Variants in PCBP3 observed in about 807,000 individuals in gnomAD.
PCBP3 encodes the protein poly(rC) binding protein 3, also known as poly(rC)-binding protein 3.
PCBP3 carries 25 observed loss-of-function variants against 52.7 expected under a neutral mutation model. The ratio of observed to expected loss-of-function variants is 0.47; its 90% CI spans 0.35 to 0.66. The LOEUF (loss-of-function observed/expected upper bound fraction) is 0.66, where lower values mean the gene tolerates loss of function less well. PCBP3 is among the 30% of genes least tolerant of loss of function. The pLI, the probability that PCBP3 is intolerant of heterozygous loss-of-function variation, is 0.01. For synonymous variants in PCBP3, 162 were observed against 183.0 expected (o/e 0.89, Z 0.93); for missense variants, 391 against 490.3 (o/e 0.80, Z 1.91).
At chr21:45,838,953 T>C (rs1222099707) in intron 4 of PCBP3, among the ~76,000 whole-genome samples, 1 of 152,234 alleles carries the variant, frequency 6.6e-6, no homozygotes, top group Non-Finnish European at 1.5e-5. Flanking sequence ...CTTTCCTCCC[T>C]TTCTCTCCAT....
chr21:45,870,634 C>T (rs570687633), intron 5 of PCBP3, among the ~76,000 whole-genome samples: 46 of 152,322 alleles, frequency 3.0e-4, no homozygotes, highest in African/African-American at 1.0e-3. Context: ...CCCTGCACCC[C>T]GGGCTCTTCC....
intron 1 of PCBP3, among the ~76,000 whole-genome samples, chr21:45,659,337 C>CTTTTTTTTTTTTTTTT (rs36113182): frequency 2.5e-5 from 2 of 78,740 alleles, no homozygotes; most frequent in Non-Finnish European, 4.9e-5. Flanking sequence ...TTTTACTTTC[C>CTTTTTTTTTTTTTTTT]TTTTTTTTTT....
intron 9 of PCBP3, among the ~76,000 whole-genome samples, chr21:45,902,587 C>T (rs1243268393): frequency 6.6e-6 from 1 of 152,202 alleles, no homozygotes; most frequent in Non-Finnish European, 1.5e-5. Context: ...CATCATGACA[C>T]CAAAACAGAA....
At chr21:45,835,851 A>G (rs956057539) in intron 4 of PCBP3, among the ~76,000 whole-genome samples, 1 of 151,904 alleles carries the variant, frequency 6.6e-6, no homozygotes, top group Admixed American at 6.5e-5. Flanking sequence ...TGCCCTGGGG[A>G]GAGGAGAGCG....
chr21:45,844,468 C>G lies in PCBP3; in HGVS notation c.-125-5493C>G, dbSNP rs545110754. Among the ~76,000 whole-genome samples, 17 of 152,250 alleles carry G rather than the reference C, an allele frequency of 1.1e-4. No homozygotes were observed. In the East Asian group the frequency reaches 3.1e-3, roughly 28 times the overall value. On this transcript the variant is annotated intron_variant, in intron 4 of 17. Coordinates refer to ENST00000681687, the MANE Select transcript of PCBP3 (RefSeq NM_001384156.1). ...CTCCACCCTCCCTCCAGCATTGTTG[C>G]AGCCGCAGGACACCTGCCAGGGTAG...
rs2093934513 is a variant in PCBP3, at chr21:45,850,089, G to A, written c.4G>A (p.Gly2Arg). M[G>R]EGDAFWAPSV... ...CTCTAAACCTTATAGCCTGCTTATG[G>A]GGGAAGGTGAGTTACTGTCTTTTGT... Residue 2 changes from glycine to arginine, a missense_variant, in exon 5 of 18, where the codon GGG becomes AGG. Transcript: ENST00000681687. The A allele has an allele frequency of 3.9e-6, 6 of 1,550,686 alleles. No individual in the cohort carries two copies. Among genetic ancestry groups the A allele is most frequent in the Non-Finnish European group, 5.2e-6 (6 of 1,146,162 alleles).
intron 4 of PCBP3, among the ~76,000 whole-genome samples, chr21:45,819,496 T>C (rs1427874772): frequency 6.6e-6 from 1 of 152,230 alleles, no homozygotes; most frequent in Non-Finnish European, 1.5e-5. Context: ...AGACCACACC[T>C]GGCACGACAC....
Position 45,899,642 on chromosome 21 carries a change from C to G in PCBP3, c.189+20C>G. 1 of 1,594,050 alleles carries G rather than the reference C, an allele frequency of 6.3e-7. No homozygotes were observed. The highest frequency in any genetic ancestry group is 8.6e-7 in the Non-Finnish European group (1 of 1,161,778). ...GGGAAGGTAATTATTGATTGAATCT[C>G]TGCCTCTCCTGGGGTCTCTGTAAGG... On this transcript the variant is annotated intron_variant, in intron 7 of 17. Coordinates refer to ENST00000681687, the MANE Select transcript of PCBP3 (RefSeq NM_001384156.1).
chr21:45,908,635 C>T (rs892748193), intron 9 of PCBP3, among the ~76,000 whole-genome samples: 1 of 151,002 alleles, frequency 6.6e-6, no homozygotes. Context: ...AGCTCCGGAG[C>T]TGCCCTGTCA....
At chr21:45,915,328 A>C (rs978006680) in intron 12 of PCBP3, 4 of 152,258 alleles carry the variant, frequency 2.6e-5, no homozygotes, top group Non-Finnish European at 5.9e-5. Flanking sequence ...ACACGGAGTC[A>C]CACGGCGGGA....
In PCBP3 at chr21:45,667,538, T is replaced by C. The variant is rs115646043; in HGVS notation, c.-278-1336T>C. On this transcript the variant is annotated intron_variant, in intron 1 of 17. Coordinates refer to ENST00000681687, the MANE Select transcript of PCBP3 (RefSeq NM_001384156.1). ...TTTTATTTGGTTTATTTTTATAATT[T>C]GTTTCTTTATTGATATCTGCTTGGT... Among the ~76,000 whole-genome samples, 859 of 152,336 alleles carry C rather than the reference T, an allele frequency of 5.6e-3. 7 individuals carry two copies. Among genetic ancestry groups the C allele is most frequent in the African/African-American group, 0.019 (802 of 41,568 alleles).
intron 13 of PCBP3, among the ~76,000 whole-genome samples, chr21:45,919,689 T>G (rs545152468): frequency 2.6e-5 from 4 of 152,208 alleles, no homozygotes; most frequent in Admixed American, 2.0e-4. Context: ...CATCTCATCC[T>G]GGGGTCAGCT....
intron 1 of PCBP3, among the ~76,000 whole-genome samples, chr21:45,646,093 C>CTCTCTCTTTT (rs1569070075): frequency 1.2e-5 from 1 of 81,336 alleles, no homozygotes; most frequent in Non-Finnish European, 2.6e-5. Flanking sequence ...TTCTCTCTCT[C>CTCTCTCTTTT]TCTCTCTCTC....
At chr21:45,776,178 G>A (rs1368905529) in intron 4 of PCBP3, among the ~76,000 whole-genome samples, 1 of 152,152 alleles carries the variant, frequency 6.6e-6, no homozygotes, top group South Asian at 2.1e-4. Context: ...GGTCTAAGAA[G>A]ATAGTTGATA....
chr21:45,800,349 A>C lies in PCBP3; in HGVS notation c.-126+44897A>C, dbSNP rs1377913637. 6.6e-6 allele frequency among the ~76,000 whole-genome samples: 1 copy of C among 152,216 alleles called. No homozygotes were observed. Among genetic ancestry groups the C allele is most frequent in the Non-Finnish European group, 1.5e-5 (1 of 68,032 alleles). ...GGAGCAAGCCTGTGCGCCCTGAGCC[A>C]GGCCTTCTGTGAAGTGCAGATGATG... is the stretch of plus-strand genomic sequence containing the variant. On this transcript the variant is annotated intron_variant, in intron 4 of 17. Transcript: ENST00000681687. The surrounding 1 kb of genome is among the most constrained non-coding windows in gnomAD (Gnocchi z 5.3).
chr21:45,934,274 G>A (rs567876613), intron 15 of PCBP3, among the ~76,000 whole-genome samples: 13 of 152,214 alleles, frequency 8.5e-5, no homozygotes, highest in African/African-American at 2.6e-4. Flanking sequence ...GAGTGTCAGC[G>A]TTAGACTTGC....
rs1215011519 is a variant in PCBP3, at chr21:45,853,839, C to G, written c.10+3744C>G. 1 of 152,166 alleles carries G rather than the reference C, an allele frequency of 6.6e-6. No individual in the cohort carries two copies. The highest frequency in any genetic ancestry group is 1.9e-4 in the East Asian group (1 of 5,186). The allele number at this position is 152,166 out of a possible 1,614,324, so 9.4% of individuals were successfully genotyped here. A position where few individuals can be genotyped will look rare whatever the true frequency, so the allele number is the denominator to read the frequency against. ...CTCGGTGTTTTAGAATGGGCTCCTG[C>G]GTGGTGGCAGTGGCAGGTGGTGGTG... On this transcript the variant is annotated intron_variant, in intron 5 of 17. Transcript: ENST00000681687. The surrounding 1 kb of genome is among the most constrained non-coding windows in gnomAD (Gnocchi z 4.6).
chr21:45,658,188 A>T (rs913763560), intron 1 of PCBP3, among the ~76,000 whole-genome samples: 8 of 152,148 alleles, frequency 5.3e-5, no homozygotes, highest in Non-Finnish European at 1.2e-4. Context: ...TATTAATGTC[A>T]TGTATTACAT....
At position 45,691,384 on chromosome 21, in the gene PCBP3, T is replaced by TTA. The variant is rs1187790362; in HGVS notation, c.-200+22446_-200+22447dup. Among the ~76,000 whole-genome samples the TTA allele has an allele frequency of 5.7e-3, 807 of 142,062 alleles. 4 individuals are homozygous for TTA. The highest frequency in any genetic ancestry group is 0.016 in the African/African-American group (587 of 37,798). The allele number at this position is 142,062 out of a possible 152,430, so 93.2% of individuals were successfully genotyped here. A position where few individuals can be genotyped will look rare whatever the true frequency, so the allele number is the denominator to read the frequency against. On this transcript the variant is annotated intron_variant, in intron 2 of 17. Transcript: ENST00000681687. ...TTCTATATCTTGTTTGTGGGGGTAGTTATATATATATATATCTCATATATA... is the reference window on the plus strand; with the variant it reads ...TTCTATATCTTGTTTGTGGGGGTAGTTATATATATATATATATCTCATATATA...
Sources: allele counts gnomAD v4.1 joint callset (sites outside exome capture counted in the v4.1 genomes callset), GRCh38; gene constraint gnomAD v4.1.1; non-coding constraint Gnocchi (gnomAD v3.1); transcripts MANE v1.5; gene names NCBI Gene and HGNC (gene_info 2026-07-23, HGNC 2026-07-21).